Variants in ADARB2 observed in about 807,000 individuals in gnomAD.
ADARB2 encodes the protein inactive double-stranded RNA-specific editase B2.
Under a neutral mutation model 62.2 loss-of-function variants are expected in ADARB2, and 25 were observed. The observed-to-expected ratio is 0.40, with a 90% CI of 0.29 to 0.56. ADARB2 has a LOEUF of 0.56. Ranked by LOEUF, ADARB2 falls within the 20% of genes least tolerant of loss-of-function variation. The pLI is 0.43. For synonymous variants in ADARB2, 572 were observed against 500.8 expected (o/e 1.14, Z -1.90); for missense variants, 1,071 against 1,077.4 (o/e 0.99, Z 0.08).
At chr10:1,393,350 C>G (rs1832586386) in intron 1 of ADARB2, among the ~76,000 whole-genome samples, 4 of 152,164 alleles carry the variant, frequency 2.6e-5, no homozygotes, top group Admixed American at 2.6e-4. Context: ...AGCATTTATC[C>G]TTTGTGTTAC....
At chr10:1,228,360 G>A (rs953145185) in intron 6 of ADARB2, among the ~76,000 whole-genome samples, 1 of 152,210 alleles carries the variant, frequency 6.6e-6, no homozygotes, top group African/African-American at 2.4e-5. Flanking sequence ...GAGGAGAGGA[G>A]CTGCTCAACC....
At chr10:1,469,041 C>T (rs923877478) in intron 1 of ADARB2, among the ~76,000 whole-genome samples, 1 of 152,188 alleles carries the variant, frequency 6.6e-6, no homozygotes, top group Non-Finnish European at 1.5e-5. Context: ...AACGCTTTCT[C>T]GCTACCCAGT....
intron 4 of ADARB2, among the ~76,000 whole-genome samples, chr10:1,269,998 A>T (rs1831245553): frequency 6.6e-6 from 1 of 152,184 alleles, no homozygotes; most frequent in South Asian, 2.1e-4. Context: ...CCTTTCAAAG[A>T]ATCTCATATT....
chr10:1,265,370 G>C (rs1270372884), intron 4 of ADARB2, among the ~76,000 whole-genome samples: 1 of 152,262 alleles, frequency 6.6e-6, no homozygotes, highest in Non-Finnish European at 1.5e-5. Context: ...AAATAAAGCG[G>C]TGCCCTGACA....
intron 1 of ADARB2, among the ~76,000 whole-genome samples, chr10:1,632,466 C>A (rs1365211218): frequency 6.6e-6 from 1 of 152,256 alleles, no homozygotes; most frequent in Non-Finnish European, 1.5e-5. Flanking sequence ...CATGTGCACA[C>A]ACATGCACAC....
At chr10:1,267,230 A>T (rs2131796542) in intron 4 of ADARB2, among the ~76,000 whole-genome samples, 1 of 152,336 alleles carries the variant, frequency 6.6e-6, no homozygotes, top group East Asian at 1.9e-4. Flanking sequence ...ATTGGATAAA[A>T]GATAATGGAA....
rs371474883 is a variant in ADARB2, at chr10:1,449,994, C to T, written c.101-70834G>A. 4.6e-5 allele frequency among the ~76,000 whole-genome samples: 7 copies of T among 152,302 alleles called. No homozygotes were observed. The East Asian group carries it at 1.4e-3, about 29-fold the overall frequency. On this transcript the variant is annotated intron_variant, in intron 1 of 9. Transcript: ENST00000381312. ...TCGCTGACCCTGACGGAGGGGCTGG[C>T]TGCAAGGAGGCCGTGGCCAGCATGA...
intron 1 of ADARB2, among the ~76,000 whole-genome samples, chr10:1,587,240 C>G (rs1268112510): frequency 1.3e-5 from 2 of 152,104 alleles, no homozygotes; most frequent in African/African-American, 4.8e-5. Flanking sequence ...ACAAAAAGAA[C>G]AATGATTTCT....
intron 1 of ADARB2, among the ~76,000 whole-genome samples, chr10:1,386,551 T>C (rs1382592276): frequency 6.6e-6 from 1 of 151,930 alleles, no homozygotes; most frequent in East Asian, 1.9e-4. Flanking sequence ...TTTCAAAATA[T>C]GAAATATTGC....
intron 1 of ADARB2, among the ~76,000 whole-genome samples, chr10:1,508,381 A>G (rs1345840049): frequency 1.3e-5 from 2 of 152,182 alleles, no homozygotes; most frequent in Admixed American, 1.3e-4. Flanking sequence ...CCTTCTCTCA[A>G]ACATGGGGAG....
chr10:1,669,683 CA>C (rs1834357344), intron 1 of ADARB2, among the ~76,000 whole-genome samples: 1 of 150,708 alleles, frequency 6.6e-6, no homozygotes, highest in South Asian at 2.1e-4. Flanking sequence ...CACACAGACA[CA>C]TGCAGACACA....
intron 4 of ADARB2, among the ~76,000 whole-genome samples, chr10:1,262,056 A>G (rs1831142896): frequency 6.9e-6 from 1 of 143,970 alleles, no homozygotes; most frequent in East Asian, 2.0e-4. Context: ...ACAACCAAAC[A>G]CCGCATATTC....
intron 8 of ADARB2, chr10:1,186,452 A>C: frequency 1.9e-6 from 1 of 518,232 alleles, no homozygotes; most frequent in Middle Eastern, 3.2e-4. Flanking sequence ...CCCTTGTCCC[A>C]TTGGTGCCTC....
intron 1 of ADARB2, among the ~76,000 whole-genome samples, chr10:1,686,256 G>A (rs981780819): frequency 1.2e-4 from 18 of 152,226 alleles, no homozygotes; most frequent in Non-Finnish European, 1.9e-4. Flanking sequence ...CCAAGGCCTC[G>A]GCGGGGGTTC....
At chr10:1,728,169 AT>A (rs200134817) in intron 1 of ADARB2, among the ~76,000 whole-genome samples, 9 of 152,176 alleles carry the variant, frequency 5.9e-5, no homozygotes, top group South Asian at 2.1e-4. Flanking sequence ...AAGAAGATAG[AT>A]TTTTTTTATT....
At chr10:1,512,534 C>T (rs956076494) in intron 1 of ADARB2, among the ~76,000 whole-genome samples, 10 of 152,192 alleles carry the variant, frequency 6.6e-5, no homozygotes, top group Admixed American at 3.9e-4. Flanking sequence ...ATATGCATTT[C>T]CTAGATGAGA....
intron 1 of ADARB2, among the ~76,000 whole-genome samples, chr10:1,706,302 C>T (rs764251288): frequency 3.9e-5 from 6 of 152,198 alleles, no homozygotes; most frequent in Non-Finnish European, 7.3e-5. Context: ...AGAAGCAGAA[C>T]ATTCCATGCA....
At chr10:1,613,125 G>A (rs1332633045) in intron 1 of ADARB2, among the ~76,000 whole-genome samples, 2 of 152,194 alleles carry the variant, frequency 1.3e-5, no homozygotes, top group Non-Finnish European at 2.9e-5. Context: ...AGAGATAAAA[G>A]TAAACTTTAC....
chr10:1,346,245 C>T (rs1832080140), intron 3 of ADARB2, among the ~76,000 whole-genome samples: 2 of 152,206 alleles, frequency 1.3e-5, no homozygotes, highest in Admixed American at 1.3e-4. Context: ...CATGCACCGA[C>T]AGGGTCTCAG....
Sources: gnomAD v4.1 joint callset for allele counts (sites outside exome capture counted in the v4.1 genomes callset) on GRCh38, gnomAD v4.1.1 for gene constraint, MANE v1.5 for transcripts, NCBI Gene and HGNC (gene_info 2026-07-23, HGNC 2026-07-21) for gene names.